The following PTPRD variants were observed in gnomAD, a reference collection of about 807,000 sequenced individuals.
PTPRD encodes protein tyrosine phosphatase receptor type D.
PTPRD carries 34 observed loss-of-function variants against 214.5 expected under a neutral mutation model. That is an observed-to-expected ratio of 0.16 (90% CI 0.12 to 0.21). The LOEUF (loss-of-function observed/expected upper bound fraction) is 0.21. PTPRD is among the 10% of genes least tolerant of loss of function. PTPRD has a pLI of 1.00. For synonymous variants in PTPRD, 1,128 were observed against 845.7 expected (o/e 1.33, Z -5.79); for missense variants, 2,545 against 2,398.7 (o/e 1.06, Z -1.27).
chr9:9,649,932 A>G (rs1387805350), intron 7 of PTPRD, among the ~76,000 whole-genome samples: 1 of 152,220 alleles, frequency 6.6e-6, no homozygotes, highest in African/African-American at 2.4e-5. Context: ...ATGTGATAGT[A>G]TACTGTGCTA....
At chr9:9,525,018 C>T (rs56191119) in intron 8 of PTPRD, among the ~76,000 whole-genome samples, 17,434 of 152,154 alleles carry the variant, frequency 0.11, 1,143 homozygotes, top group Middle Eastern at 0.18. Context: ...CCACCACGCC[C>T]GGCTAATTTT....
At chr9:8,864,705 G>C (rs151125281) in intron 11 of PTPRD, among the ~76,000 whole-genome samples, 72 of 152,300 alleles carry the variant, frequency 4.7e-4, no homozygotes, top group African/African-American at 1.7e-3. Flanking sequence ...GTGGCAAGTT[G>C]GTCATTGTAT....
intron 34 of PTPRD, among the ~76,000 whole-genome samples, chr9:8,443,141 C>T (rs1267258233): frequency 6.6e-6 from 1 of 152,082 alleles, no homozygotes; most frequent in African/African-American, 2.4e-5. Context: ...CAAGATCCTG[C>T]CTCAAAACAT....
chr9:8,846,122 T>G (rs146117942), intron 11 of PTPRD, among the ~76,000 whole-genome samples: 2 of 152,338 alleles, frequency 1.3e-5, no homozygotes, highest in East Asian at 3.9e-4. Context: ...CTACTGAGAT[T>G]TGGCTTTGTC....
chr9:9,326,665 A>G (rs903638818), intron 9 of PTPRD, among the ~76,000 whole-genome samples: 2 of 152,060 alleles, frequency 1.3e-5, no homozygotes, highest in African/African-American at 4.8e-5. Context: ...TTAAATGAGC[A>G]AGTAAGATAA....
chr9:8,540,567 C>G (rs563017593), intron 14 of PTPRD, among the ~76,000 whole-genome samples: 1 of 152,204 alleles, frequency 6.6e-6, no homozygotes, highest in East Asian at 1.9e-4. Context: ...ATGATAAAGT[C>G]TGATAAAAAT....
chr9:8,887,730 C>T (rs2098503512), intron 11 of PTPRD, among the ~76,000 whole-genome samples: 1 of 152,134 alleles, frequency 6.6e-6, no homozygotes, highest in African/African-American at 2.4e-5. Flanking sequence ...TTGCAGAACA[C>T]AAAACTACCT....
At chr9:9,368,285 C>G (rs2058439953) in intron 9 of PTPRD, among the ~76,000 whole-genome samples, 1 of 150,954 alleles carries the variant, frequency 6.6e-6, no homozygotes, top group Non-Finnish European at 1.5e-5. Context: ...ACTTGAGCCT[C>G]ACAGGATTTT....
At chr9:8,560,743 G>T (rs2085896080) in intron 14 of PTPRD, among the ~76,000 whole-genome samples, 3 of 152,098 alleles carry the variant, frequency 2.0e-5, no homozygotes, top group Admixed American at 6.5e-5. Flanking sequence ...CAATGATCAT[G>T]CTGTGCCTGT....
At chr9:9,243,469 T>C (rs573078732) in intron 9 of PTPRD, among the ~76,000 whole-genome samples, 1 of 152,192 alleles carries the variant, frequency 6.6e-6, no homozygotes, top group Non-Finnish European at 1.5e-5. Context: ...ATCCCTCGGA[T>C]GCAAGGCTGG....
rs552806942 is a variant in PTPRD, at chr9:8,845,345, A to G, written c.-103-111399T>C. On this transcript the variant is annotated intron_variant, in intron 11 of 45. Coordinates refer to ENST00000381196, the MANE Select transcript of PTPRD (RefSeq NM_002839.4). ...GTCCTATAAAGAAAAAAAGTCGCCA[A>G]ATCGTACATGTCATTTGAATACAGT... Among the ~76,000 whole-genome samples, 22 of 152,356 alleles carry G rather than the reference A, an allele frequency of 1.4e-4. No individual in the cohort carries two copies. The South Asian group carries it at 3.7e-3, about 26-fold the overall frequency.
chr9:8,986,953 A>G (rs577323025), intron 11 of PTPRD, among the ~76,000 whole-genome samples: 1 of 152,130 alleles, frequency 6.6e-6, no homozygotes, highest in African/African-American at 2.4e-5. Flanking sequence ...TTATGTGTGT[A>G]TTACATATTA....
chr9:10,323,911 G>C (rs1014973053), intron 3 of PTPRD, among the ~76,000 whole-genome samples: 1 of 151,984 alleles, frequency 6.6e-6, no homozygotes, highest in South Asian at 2.1e-4. Flanking sequence ...GGACAGAATA[G>C]AAGAGCACTT....
At chr9:8,461,649 C>T (rs1389061794) in intron 32 of PTPRD, among the ~76,000 whole-genome samples, 1 of 150,198 alleles carries the variant, frequency 6.7e-6, no homozygotes, top group African/African-American at 2.5e-5. Context: ...CCTTTATTTA[C>T]TCTTTACCTT....
At chr9:9,758,770 C>G (rs1365125646) in intron 6 of PTPRD, among the ~76,000 whole-genome samples, 1 of 151,050 alleles carries the variant, frequency 6.6e-6, no homozygotes, top group African/African-American at 2.4e-5. Context: ...CTACTCCCAC[C>G]CCCCATATAT....
chr9:9,703,941 G>C (rs1004279055), intron 7 of PTPRD, among the ~76,000 whole-genome samples: 1 of 152,108 alleles, frequency 6.6e-6, no homozygotes, highest in Admixed American at 6.6e-5. Flanking sequence ...CTGGAGTGCA[G>C]TGGCATAACC....
intron 11 of PTPRD, among the ~76,000 whole-genome samples, chr9:8,979,770 A>G (rs2099297489): frequency 6.6e-6 from 1 of 152,140 alleles, no homozygotes; most frequent in Admixed American, 6.6e-5. Flanking sequence ...AAGGAACATT[A>G]GTACACTGTT....
intron 2 of PTPRD, among the ~76,000 whole-genome samples, chr9:10,603,047 G>C (rs2078378479): frequency 1.3e-5 from 2 of 151,758 alleles, no homozygotes; most frequent in Non-Finnish European, 2.9e-5. Context: ...AGTACAACAA[G>C]GTGTTTAAGG....
chr9:9,910,348 A>G (rs1401194606), intron 5 of PTPRD, among the ~76,000 whole-genome samples: 1 of 151,956 alleles, frequency 6.6e-6, no homozygotes, highest in Non-Finnish European at 1.5e-5. Flanking sequence ...CATGTGTGCA[A>G]TCTTTTAAAA....
Sources: allele counts gnomAD v4.1 joint callset (sites outside exome capture counted in the v4.1 genomes callset), GRCh38; gene constraint gnomAD v4.1.1; transcripts MANE v1.5; gene names NCBI Gene and HGNC (gene_info 2026-07-23, HGNC 2026-07-21).